Variants in THSD4 observed in about 807,000 individuals in gnomAD.
THSD4 encodes thrombospondin type-1 domain-containing protein 4.
A neutral mutation model predicts 119.0 loss-of-function variants in THSD4; 69 were observed. The observed-to-expected ratio is 0.58, with a 90% CI of 0.48 to 0.71. The LOEUF (loss-of-function observed/expected upper bound fraction) is 0.71, where lower values mean the gene tolerates loss of function less well. THSD4 is among the 30% of genes least tolerant of loss of function. The probability of loss-of-function intolerance (pLI) is 0.00; values close to 1 mark genes in which losing one functional copy is unlikely to be tolerated. For synonymous variants in THSD4, 524 were observed against 540.4 expected (o/e 0.97, Z 0.42); for missense variants, 1,393 against 1,391.1 (o/e 1.00, Z -0.02).
intron 7 of THSD4, among the ~76,000 whole-genome samples, chr15:71,429,928 T>G (rs1057271633): frequency 6.6e-6 from 1 of 152,214 alleles, no homozygotes; most frequent in African/African-American, 2.4e-5. Flanking sequence ...TAATAAGAGA[T>G]ATTTTTATGG....
intron 6 of THSD4, among the ~76,000 whole-genome samples, chr15:71,349,085 G>A (rs753741057): frequency 2.1e-4 from 26 of 124,212 alleles, no homozygotes; most frequent in Middle Eastern, 8.8e-3. Flanking sequence ...ACGTGGAGTG[G>A]TAGGAAAACC....
chr15:71,547,304 C>G, intron 7 of THSD4: 1 of 1,520,644 alleles, frequency 6.6e-7, no homozygotes, highest in Non-Finnish European at 8.8e-7. Flanking sequence ...AGCGCGGTGC[C>G]TAGCGGAACT....
intron 7 of THSD4, among the ~76,000 whole-genome samples, chr15:71,442,242 G>T (rs1336300074): frequency 6.6e-6 from 1 of 151,602 alleles, no homozygotes; most frequent in Non-Finnish European, 1.5e-5. Flanking sequence ...ACAGACATGA[G>T]CCACCGCACC....
chr15:71,670,126 C>T (rs572897893), intron 8 of THSD4, among the ~76,000 whole-genome samples: 6 of 152,146 alleles, frequency 3.9e-5, no homozygotes, highest in African/African-American at 1.4e-4. Flanking sequence ...TACATGTGCA[C>T]AGTGTGCAGG....
chr15:71,434,370 C>A (rs1334268276), intron 7 of THSD4, among the ~76,000 whole-genome samples: 1 of 150,690 alleles, frequency 6.6e-6, no homozygotes, highest in East Asian at 1.9e-4. Flanking sequence ...AGGAACCTGC[C>A]CACGAGTTTT....
At position 71,215,088 on chromosome 15, in the gene THSD4, C is replaced by T. The variant is rs2043919982; in HGVS notation, c.153C>T (p.Gly51=). The T allele has an allele frequency of 1.5e-6, 2 of 1,305,258 alleles. No individual in the cohort carries two copies. The highest frequency in any genetic ancestry group is 3.2e-5 in the East Asian group (1 of 31,728). 80.9% of individuals were successfully genotyped at this position (1,305,258 alleles called of 1,614,324 possible). A position where few individuals can be genotyped will look rare whatever the true frequency, so the allele number is the denominator to read the frequency against. ...EGAPEDDGGG[G]APGVWGAWGP... ...CCCCCGAGGACGACGGCGGCGGCGG[C>T]GCCCCGGGAGTGTGGGGCGCCTGGG... Residue 51 remains glycine (G), a synonymous_variant, in exon 4 of 18, where the codon GGC becomes GGT. Transcript: ENST00000261862.
At chr15:71,269,727 A>G (rs978849946) in intron 6 of THSD4, among the ~76,000 whole-genome samples, 8 of 152,212 alleles carry the variant, frequency 5.3e-5, no homozygotes, top group Non-Finnish European at 8.8e-5. Flanking sequence ...AAATCTCCTT[A>G]AGCTGATAAG....
intron 7 of THSD4, among the ~76,000 whole-genome samples, chr15:71,608,237 A>AT (rs1555431558): frequency 0.12 from 12,967 of 110,750 alleles, 1,049 homozygotes; most frequent in South Asian, 0.18. Flanking sequence ...AAAAAAAAAA[A>AT]ATATATATAT....
At chr15:71,761,958 T>C (rs2053633454) in intron 15 of THSD4, among the ~76,000 whole-genome samples, 1 of 152,208 alleles carries the variant, frequency 6.6e-6, no homozygotes, top group Non-Finnish European at 1.5e-5. Flanking sequence ...CTGATCTCCA[T>C]GTCCACCACC....
chr15:71,431,005 G>A (rs959968471), intron 7 of THSD4, among the ~76,000 whole-genome samples: 3 of 152,100 alleles, frequency 2.0e-5, no homozygotes, highest in African/African-American at 7.2e-5. Context: ...TTCTTACTGA[G>A]CTTATGCAAA....
chr15:71,758,985 GA>G (rs148735243), intron 15 of THSD4, among the ~76,000 whole-genome samples: 2 of 151,038 alleles, frequency 1.3e-5, no homozygotes, highest in Non-Finnish European at 1.5e-5. Flanking sequence ...ATTAACAAAA[GA>G]AAAAAAACAG....
intron 1 of THSD4, among the ~76,000 whole-genome samples, chr15:71,130,165 T>G (rs1028062861): frequency 6.6e-6 from 1 of 152,168 alleles, no homozygotes; most frequent in Non-Finnish European, 1.5e-5. Context: ...TGATGCAGTG[T>G]GTCAGGAGAC....
intron 8 of THSD4, among the ~76,000 whole-genome samples, chr15:71,704,139 C>T (rs371482263): frequency 2.9e-4 from 44 of 152,306 alleles, no homozygotes; most frequent in African/African-American, 6.7e-4. Flanking sequence ...TGAGCCACTG[C>T]GCCTGGCCTG....
intron 7 of THSD4, among the ~76,000 whole-genome samples, chr15:71,430,563 C>T (rs549950302): frequency 1.3e-5 from 2 of 152,004 alleles, no homozygotes; most frequent in South Asian, 4.2e-4. Flanking sequence ...TCTTTTTGAG[C>T]CTGGCCGACA....
chr15:71,206,197 A>G (rs2043842371), intron 3 of THSD4, among the ~76,000 whole-genome samples: 1 of 152,186 alleles, frequency 6.6e-6, no homozygotes, highest in Non-Finnish European at 1.5e-5. Context: ...TTTTTAGCAG[A>G]GACGGGGTTT....
At chr15:71,339,979 G>A (rs2045543487) in intron 6 of THSD4, among the ~76,000 whole-genome samples, 1 of 152,110 alleles carries the variant, frequency 6.6e-6, no homozygotes, top group Non-Finnish European at 1.5e-5. Context: ...TGTCCAGGCT[G>A]GTCTTGAACT....
intron 16 of THSD4, among the ~76,000 whole-genome samples, chr15:71,768,323 C>G (rs549028902): frequency 6.6e-6 from 1 of 151,274 alleles, no homozygotes; most frequent in South Asian, 2.1e-4. Context: ...GGTCCAACTT[C>G]CAATGTTCAG....
At chr15:71,321,356 T>C (rs567902384) in intron 6 of THSD4, among the ~76,000 whole-genome samples, 1 of 152,218 alleles carries the variant, frequency 6.6e-6, no homozygotes, top group South Asian at 2.1e-4. Context: ...GCCAACATGG[T>C]AAAACCCTGT....
intron 6 of THSD4, among the ~76,000 whole-genome samples, chr15:71,405,010 T>C (rs897632027): frequency 6.6e-6 from 1 of 152,138 alleles, no homozygotes; most frequent in African/African-American, 2.4e-5. Context: ...TGCCTCAGCC[T>C]CCTGAGTTGC....
Sources: gnomAD v4.1 joint callset for allele counts (sites outside exome capture counted in the v4.1 genomes callset) on GRCh38, gnomAD v4.1.1 for gene constraint, MANE v1.5 for transcripts, NCBI Gene and HGNC (gene_info 2026-07-23, HGNC 2026-07-21) for gene names.